Variants in DNAI4 observed in about 807,000 individuals in gnomAD.
The protein encoded by DNAI4 is WD repeat domain 78.
Under a neutral mutation model 105.8 loss-of-function variants are expected in DNAI4, and 85 were observed. The observed-to-expected ratio is 0.80, with a 90% CI of 0.67 to 0.96. The LOEUF is 0.96. Among genes scored for constraint, DNAI4 ranks in the 40% least tolerant of loss-of-function variants. The probability of loss-of-function intolerance (pLI) is 0.00; values close to 1 mark genes in which losing one functional copy is unlikely to be tolerated. For synonymous variants in DNAI4, 352 were observed against 331.5 expected (o/e 1.06, Z -0.67); for missense variants, 1,014 against 1,005.6 (o/e 1.01, Z -0.11).
At chr1:66,837,610 A>T in intron 10 of DNAI4, 100 bp downstream of exon 10, 1 of 1,315,270 alleles carries the variant, frequency 7.6e-7, no homozygotes, top group Non-Finnish European at 1.0e-6. Flanking sequence ...TGATTGATAA[A>T]ATTTTCTAGA....
At chr1:66,847,320 G>T (rs544257981) in intron 8 of DNAI4, among the ~76,000 whole-genome samples, 164 bp downstream of exon 8, 5 of 152,096 alleles carry the variant, frequency 3.3e-5, no homozygotes, top group Non-Finnish European at 7.4e-5. Context: ...AAGAGACAAG[G>T]TCTTGCTCTG....
intron 2 of DNAI4, among the ~76,000 whole-genome samples, chr1:66,902,378 A>C (rs566118988): frequency 2.6e-4 from 39 of 152,282 alleles, no homozygotes; most frequent in African/African-American, 8.9e-4. Context: ...AAAAATATCT[A>C]ATCAAGTTAT....
intron 10 of DNAI4, 125 bp downstream of exon 10, chr1:66,837,585 C>A: frequency 2.6e-6 from 3 of 1,171,818 alleles, no homozygotes; most frequent in South Asian, 3.3e-5. Flanking sequence ...GAAGTTAAAC[C>A]AAAGAAAATA....
intron 1 of DNAI4, among the ~76,000 whole-genome samples, chr1:66,914,701 G>C (rs911647356): frequency 1.3e-5 from 2 of 149,266 alleles, no homozygotes; most frequent in Admixed American, 1.3e-4. Flanking sequence ...GAAAATCTAA[G>C]ATAGGAAAAA....
chr1:66,895,909 T>C (rs537774355), intron 2 of DNAI4, among the ~76,000 whole-genome samples: 4 of 151,766 alleles, frequency 2.6e-5, no homozygotes, highest in South Asian at 2.1e-4. Context: ...CCTTATGATG[T>C]ATGTATTAAG....
chr1:66,863,443 TTTTG>T (rs1024176136), intron 6 of DNAI4, among the ~76,000 whole-genome samples: 7 of 152,136 alleles, frequency 4.6e-5, no homozygotes, highest in South Asian at 2.1e-4. Flanking sequence ...TTTTTTGTTT[TTTTG>T]TTTGTTTATT....
At chr1:66,824,233 T>G (rs1357085263) in intron 15 of DNAI4, among the ~76,000 whole-genome samples, 5 of 143,226 alleles carry the variant, frequency 3.5e-5, no homozygotes, top group Non-Finnish European at 3.1e-5. Context: ...TATGCGGCAT[T>G]ATTTCTGAGG....
intron 7 of DNAI4, among the ~76,000 whole-genome samples, chr1:66,859,906 A>G (rs893573111): frequency 1.3e-5 from 2 of 152,174 alleles, no homozygotes; most frequent in African/African-American, 4.8e-5. Flanking sequence ...ACATGCCGTT[A>G]TGCATTTGTT....
At chr1:66,883,806 A>G (rs1647133424) in intron 4 of DNAI4, among the ~76,000 whole-genome samples, 1 of 152,212 alleles carries the variant, frequency 6.6e-6, no homozygotes, top group African/African-American at 2.4e-5. Context: ...AAGCTAGTTA[A>G]CATATCCATC....
rs137923358 is a variant in DNAI4, at chr1:66,846,507, C to T, written c.1291+977G>A. Among the ~76,000 whole-genome samples the T allele has an allele frequency of 2.0e-5, 3 of 152,162 alleles. No homozygotes were observed. In the East Asian group the frequency reaches 5.8e-4, roughly 29 times the overall value. ...CAAATTCCAACTAAAAGTACTAAGG[C>T]AGGAAAATGTAGGTTCTATTTGAGG... On this transcript the variant is annotated intron_variant, in intron 8 of 16. Coordinates refer to ENST00000371026, the MANE Select transcript of DNAI4 (RefSeq NM_024763.5).
At chr1:66,867,880 C>G (rs1178063304) in intron 6 of DNAI4, among the ~76,000 whole-genome samples, 1 of 152,130 alleles carries the variant, frequency 6.6e-6, no homozygotes, top group African/African-American at 2.4e-5. Context: ...TGTTCTGGTT[C>G]TTATATTTAA....
At position 66,891,225 on chromosome 1, in the gene DNAI4, G is replaced by A. The variant is rs749477916; in HGVS notation, c.572C>T (p.Ser191Leu). Reference sequence around the variant, plus strand: ...GTCTTCTGCTATTGATTCACTTGCTGATACACTTGACTTAGAAACTGTACT... The same window carrying A: ...GTCTTCTGCTATTGATTCACTTGCTAATACACTTGACTTAGAAACTGTACT... The part of the protein sequence containing the change: ...GSSTVSKSSV[S>L]ASESIAEDLE... Residue 191 changes from serine to leucine, a missense_variant, in exon 4 of 17, where the codon TCA (serine) becomes TTA (leucine). By Grantham distance (145) the Ser-to-Leu change is moderately radical. Transcript: ENST00000371026. 16 of 1,613,666 alleles carry A rather than the reference G, an allele frequency of 9.9e-6. No homozygotes were observed. Among genetic ancestry groups the A allele is most frequent in the Non-Finnish European group, 1.4e-5 (16 of 1,179,924 alleles).
At chr1:66,842,256 G>C (rs58322950) in intron 8 of DNAI4, among the ~76,000 whole-genome samples, 16,368 of 152,216 alleles carry the variant, frequency 0.11, 940 homozygotes, top group South Asian at 0.17. Flanking sequence ...CCAAGTTGGG[G>C]CAATTATGAG....
intron 8 of DNAI4, among the ~76,000 whole-genome samples, chr1:66,844,658 A>C (rs550757443): frequency 6.6e-6 from 1 of 152,322 alleles, no homozygotes; most frequent in African/African-American, 2.4e-5. Flanking sequence ...AAAACTGAGA[A>C]GTACAAATTT....
chr1:66,885,291 T>C (rs1464399865), intron 4 of DNAI4, among the ~76,000 whole-genome samples: 1 of 152,220 alleles, frequency 6.6e-6, no homozygotes, highest in Non-Finnish European at 1.5e-5. Flanking sequence ...CCTTTCTTTA[T>C]GTAGATGCAA....
intron 15 of DNAI4, among the ~76,000 whole-genome samples, chr1:66,826,306 CT>C (rs112189509): frequency 8.1e-5 from 12 of 147,684 alleles, no homozygotes; most frequent in African/African-American, 1.8e-4. Context: ...TTTCTTTAGT[CT>C]TTTTTTTTTG....
At chr1:66,830,540 G>A (rs1052133263) in intron 13 of DNAI4, among the ~76,000 whole-genome samples, 3 of 152,060 alleles carry the variant, frequency 2.0e-5, no homozygotes, top group African/African-American at 7.2e-5. Flanking sequence ...ATTTTGGGAG[G>A]CCAAGGCAGA....
At chr1:66,834,181 T>C in intron 11 of DNAI4, 33 bp from the exon 12 acceptor site, 1 of 1,519,826 alleles carries the variant, frequency 6.6e-7, no homozygotes, top group African/African-American at 1.4e-5. Context: ...AAACATATAA[T>C]CATTATAATA....
intron 7 of DNAI4, among the ~76,000 whole-genome samples, chr1:66,858,864 G>T (rs796529960): frequency 6.6e-6 from 1 of 152,062 alleles, no homozygotes; most frequent in African/African-American, 2.4e-5. Flanking sequence ...ATAATGGTGA[G>T]AAACTGAAAA....
Sources: gnomAD v4.1 joint callset for allele counts (sites outside exome capture counted in the v4.1 genomes callset) on GRCh38, gnomAD v4.1.1 for gene constraint, MANE v1.5 for transcripts, NCBI Gene and HGNC (gene_info 2026-07-23, HGNC 2026-07-21) for gene names.